SLC25A25: variants seen among roughly 807,000 people sequenced by gnomAD.
SLC25A25 encodes mitochondrial adenyl nucleotide antiporter SLC25A25.
A neutral mutation model predicts 57.7 loss-of-function variants in SLC25A25; 32 were observed. The observed-to-expected ratio is 0.55, with a 90% CI of 0.42 to 0.74. The LOEUF is 0.74. SLC25A25 is among the 30% of genes least tolerant of loss of function. The pLI is 0.00. For missense variants in SLC25A25, 556 were observed against 701.3 expected (o/e 0.79, Z 2.34); for synonymous variants, 306 against 291.2 (o/e 1.05, Z -0.52).
intron 1 of SLC25A25, among the ~76,000 whole-genome samples, chr9:128,090,026 T>C (rs1464007436): frequency 2.0e-5 from 3 of 152,094 alleles, no homozygotes; most frequent in African/African-American, 7.2e-5. Context: ...TATAAGAGGA[T>C]GTTCGGTGAA....
chr9:128,079,817 C>A (rs575899968), intron 1 of SLC25A25, among the ~76,000 whole-genome samples: 2 of 151,538 alleles, frequency 1.3e-5, no homozygotes, highest in Non-Finnish European at 2.9e-5. Flanking sequence ...ATGGTGAAAC[C>A]CCGTCTCTAT....
intron 1 of SLC25A25, among the ~76,000 whole-genome samples, chr9:128,069,511 C>T (rs1832853974): frequency 6.6e-6 from 1 of 151,992 alleles, no homozygotes; most frequent in South Asian, 2.1e-4. Flanking sequence ...TTAGTTTGGT[C>T]CATTTGTACA....
At chr9:128,107,237 G>T in intron 10 of SLC25A25, 23 bp from the exon 11 acceptor site, 2 of 1,610,642 alleles carry the variant, frequency 1.2e-6, no homozygotes, top group South Asian at 2.2e-5. Context: ...AGAAGCATCT[G>T]ACTGGTGGCC....
intron 1 of SLC25A25, among the ~76,000 whole-genome samples, chr9:128,086,878 G>A (rs1833287664): frequency 6.6e-6 from 1 of 152,066 alleles, no homozygotes; most frequent in Non-Finnish European, 1.5e-5. Flanking sequence ...AACCCACAGT[G>A]TATTGTTTTA....
intron 1 of SLC25A25, among the ~76,000 whole-genome samples, chr9:128,082,910 G>A (rs965612312): frequency 2.6e-5 from 4 of 151,918 alleles, no homozygotes; most frequent in African/African-American, 4.8e-5. Context: ...GAGACACCAC[G>A]CCCGGCCTGT....
rs777732029 is a variant in SLC25A25 at position 128,068,561 on chromosome 9, G to A, written c.242G>A (p.Arg81His). 2.1e-6 allele frequency: 3 copies of A among 1,424,878 alleles called. No individual in the cohort carries two copies. Among genetic ancestry groups the A allele is most frequent in the Non-Finnish European group, 2.7e-6 (3 of 1,092,970 alleles). 88.3% of individuals were successfully genotyped at this position (1,424,878 alleles called of 1,614,324 possible). A position where few individuals can be genotyped will look rare whatever the true frequency, so the allele number is the denominator to read the frequency against. The change falls in exon 1 of 11, where the codon CGC becomes CAC. Residue 81 changes from arginine (R) to histidine (H), a missense_variant. Physicochemically the swap from Arg to His is conservative, Grantham distance 29. This residue lies in a region of SLC25A25 where 248 missense variants were observed against 273.5 expected (regional missense o/e 0.91). Transcript: ENST00000373069. ...AVGLRRLGLH[R>H]TEGELQKIVQ... ...GGGCTGCGGCGCCTGGGACTGCACC[G>A]CACCGAGGGCGAGCTCCAGGTAGGC...
intron 1 of SLC25A25, among the ~76,000 whole-genome samples, chr9:128,070,308 C>T (rs149036529): frequency 2.7e-3 from 411 of 151,786 alleles, no homozygotes; most frequent in African/African-American, 9.3e-3. Flanking sequence ...CCGTGTTAGC[C>T]AGGATGGTCT....
chr9:128,092,046 C>T, intron 1 of SLC25A25: 1 of 1,613,884 alleles, frequency 6.2e-7, no homozygotes, highest in Non-Finnish European at 8.5e-7. Context: ...GAAAAAAGAC[C>T]CACCATTTTG....
At chr9:128,084,223 A>G (rs1052675981) in intron 1 of SLC25A25, among the ~76,000 whole-genome samples, 3 of 151,822 alleles carry the variant, frequency 2.0e-5, no homozygotes, top group East Asian at 1.9e-4. Flanking sequence ...CCTCTCTGCA[A>G]TTCAGGCACA....
rs952171034 is a variant in SLC25A25 at position 128,100,128 on chromosome 9, C to T, written c.262-968C>T. ...GACCTTGTGTAAATGTTTAGGCTCT[C>T]GGAACTCCTGTTTCCTTCTCTGTAA... On this transcript the variant is annotated intron_variant, in intron 1 of 10. Transcript: ENST00000373069. Among the ~76,000 whole-genome samples, 10 of 152,138 alleles carry T rather than the reference C, an allele frequency of 6.6e-5. No homozygotes were observed. The East Asian group carries it at 1.7e-3, about 26-fold the overall frequency.
In SLC25A25 at chr9:128,106,182, T is replaced by C. The variant is rs1488262333; in HGVS notation, c.969T>C (p.Thr323=). 1.2e-6 allele frequency: 2 copies of C among 1,614,110 alleles called. No homozygotes were observed. The highest frequency in any genetic ancestry group is 2.2e-5 in the East Asian group (1 of 44,902). ...GCCTTGTTGGTAGTGACCAGGAGAC[T>C]CTGAGGATTCACGAGAGGCTTGTGG... The part of the protein sequence containing the change: ...IKRLVGSDQE[T]LRIHERLVAG... Residue 323 remains threonine, a synonymous_variant, in exon 8 of 11, where the codon ACT becomes ACC. Coordinates refer to ENST00000373069, the MANE Select transcript of SLC25A25 (RefSeq NM_001330988.2).
chr9:128,096,776 G>C (rs2130809013), intron 1 of SLC25A25, among the ~76,000 whole-genome samples: 1 of 152,338 alleles, frequency 6.6e-6, no homozygotes. Context: ...CCTGGTGGTA[G>C]AGATAAGAGG....
intron 1 of SLC25A25, among the ~76,000 whole-genome samples, chr9:128,085,405 G>A (rs1254829046): frequency 6.6e-6 from 1 of 151,960 alleles, no homozygotes; most frequent in African/African-American, 2.4e-5. Context: ...CAGGATGGGA[G>A]GATCACTTGA....
chr9:128,095,677 G>C lies in SLC25A25; in HGVS notation c.262-5419G>C, dbSNP rs1453771947. Among the ~76,000 whole-genome samples, 1 of 152,166 alleles carries C rather than the reference G, an allele frequency of 6.6e-6. No individual in the cohort carries two copies. The highest frequency in any genetic ancestry group is 2.1e-4 in the South Asian group (1 of 4,832). ...TTTTAAAAATTAGCTGGGTGTGCTC[G>C]TGGGCACCTGTAGTCCCAGCTACTC... On this transcript the variant is annotated intron_variant, in intron 1 of 10. Transcript: ENST00000373069. The surrounding 1 kb of genome is among the most constrained non-coding windows in gnomAD (Gnocchi z 4.4).
intron 1 of SLC25A25, among the ~76,000 whole-genome samples, chr9:128,098,041 C>T (rs1833617092): frequency 6.6e-6 from 1 of 152,250 alleles, no homozygotes; most frequent in Non-Finnish European, 1.5e-5. Context: ...ATCCTCACAG[C>T]TGAACTGGGC....
intron 1 of SLC25A25, among the ~76,000 whole-genome samples, chr9:128,087,992 C>T (rs1327048636): frequency 3.3e-5 from 5 of 152,202 alleles, no homozygotes; most frequent in African/African-American, 1.2e-4. Flanking sequence ...TCATACATGT[C>T]ATTTCTGCTC....
chr9:128,098,403 G>A (rs950610393), intron 1 of SLC25A25: 31 of 1,343,674 alleles, frequency 2.3e-5, no homozygotes, highest in African/African-American at 4.5e-5. Flanking sequence ...AGGACTTGCC[G>A]TGGGAGGGCT....
At chr9:128,074,570 G>A (rs1028497396) in intron 1 of SLC25A25, among the ~76,000 whole-genome samples, 4 of 151,330 alleles carry the variant, frequency 2.6e-5, no homozygotes, top group African/African-American at 4.9e-5. Context: ...TTAGCCGGGC[G>A]TGGTGGCACA....
chr9:128,072,595 C>G (rs1295992449), intron 1 of SLC25A25, among the ~76,000 whole-genome samples: 1 of 152,124 alleles, frequency 6.6e-6, no homozygotes, highest in Non-Finnish European at 1.5e-5. Context: ...ATGGGACACT[C>G]ATAAAAATTG....
Sources: gnomAD v4.1 joint callset for allele counts (sites outside exome capture counted in the v4.1 genomes callset) on GRCh38, gnomAD v4.1.1 for gene constraint, gnomAD v4.1.1 regional missense constraint, Gnocchi (gnomAD v3.1) non-coding constraint, MANE v1.5 for transcripts, NCBI Gene and HGNC (gene_info 2026-07-23, HGNC 2026-07-21) for gene names.